CCDC3: variants seen among roughly 807,000 people sequenced by gnomAD.
CCDC3 encodes the protein coiled-coil domain-containing protein 3.
Under a neutral mutation model 21.4 loss-of-function variants are expected in CCDC3, and 24 were observed. The ratio of observed to expected loss-of-function variants is 1.12; its 90% CI spans 0.81 to 1.58. The LOEUF is 1.58. Among genes scored for constraint, CCDC3 ranks in the 40% most tolerant of loss-of-function variants. The pLI is 0.00. For missense variants in CCDC3, 425 were observed against 360.9 expected, an observed-to-expected ratio of 1.18 and a Z score of -1.44; for synonymous variants, 186 against 166.0, an observed-to-expected ratio of 1.12 and a Z score of -0.93.
intron 5 of CCDC3, among the ~76,000 whole-genome samples, chr10:13,039,252 C>T (rs1261226813): frequency 2.0e-5 from 3 of 152,060 alleles, no homozygotes; most frequent in Admixed American, 1.3e-4. Flanking sequence ...CCCGTTTCTA[C>T]TAAACCCGCA....
chr10:12,960,312 T>A (rs1835162390), intron 2 of CCDC3, among the ~76,000 whole-genome samples: 1 of 152,166 alleles, frequency 6.6e-6, no homozygotes, highest in South Asian at 2.1e-4. Context: ...GAGTCATTAT[T>A]TCATTATCTT....
At chr10:12,916,243 C>A (rs868024013) in intron 2 of CCDC3, among the ~76,000 whole-genome samples, 1 of 152,012 alleles carries the variant, frequency 6.6e-6, no homozygotes, top group East Asian at 1.9e-4. Context: ...ACCAGCCTGG[C>A]CAACATGGTG....
At chr10:13,066,920 A>G (rs927650560) in intron 4 of CCDC3, among the ~76,000 whole-genome samples, 61 of 152,094 alleles carry the variant, frequency 4.0e-4, no homozygotes, top group African/African-American at 1.4e-3. Flanking sequence ...CCACCCTTCA[A>G]TGTGTCTACA....
chr10:12,993,608 G>T (rs550489098), intron 2 of CCDC3, among the ~76,000 whole-genome samples: 5 of 152,294 alleles, frequency 3.3e-5, no homozygotes, highest in Admixed American at 6.5e-5. Context: ...TGTCCAGCAA[G>T]AGAGAAATGA....
At chr10:12,910,337 T>A (rs1834248696) in intron 2 of CCDC3, among the ~76,000 whole-genome samples, 1 of 152,198 alleles carries the variant, frequency 6.6e-6, no homozygotes, top group Non-Finnish European at 1.5e-5. Flanking sequence ...AAAAGCATGG[T>A]GTATTTGGTG....
chr10:12,975,481 C>T (rs936047144), intron 2 of CCDC3, among the ~76,000 whole-genome samples: 1 of 152,156 alleles, frequency 6.6e-6, no homozygotes, highest in Non-Finnish European at 1.5e-5. Flanking sequence ...ACTAACTCAA[C>T]TCACCCCTGG....
At chr10:13,083,802 C>G (rs1219093562) in intron 3 of CCDC3, among the ~76,000 whole-genome samples, 1 of 152,232 alleles carries the variant, frequency 6.6e-6, no homozygotes, top group Non-Finnish European at 1.5e-5. Flanking sequence ...CCAATGGAGA[C>G]AGGACAGAGT....
chr10:13,048,407 C>T (rs536298417), intron 5 of CCDC3, among the ~76,000 whole-genome samples: 4 of 152,136 alleles, frequency 2.6e-5, no homozygotes, highest in South Asian at 4.2e-4. Context: ...TTGGCCAGGA[C>T]AGTCTTGATT....
chr10:12,982,157 C>A (rs1260171925), intron 2 of CCDC3, among the ~76,000 whole-genome samples: 4 of 126,966 alleles, frequency 3.2e-5, no homozygotes, highest in Non-Finnish European at 4.9e-5. Context: ...AAAAAGTGAG[C>A]TACCACCAAT....
intron 5 of CCDC3, among the ~76,000 whole-genome samples, chr10:13,032,228 C>A (rs1289800610): frequency 2.0e-5 from 3 of 152,104 alleles, no homozygotes; most frequent in Non-Finnish European, 4.4e-5. Flanking sequence ...ATAAACAGAA[C>A]CAAAGACAAA....
intron 4 of CCDC3, among the ~76,000 whole-genome samples, chr10:13,060,208 G>A (rs987445712): frequency 3.3e-5 from 5 of 152,016 alleles, no homozygotes; most frequent in African/African-American, 9.7e-5. Flanking sequence ...TTTTTACCTC[G>A]GCCTCAGACC....
chr10:12,971,575 C>T (rs538496401), intron 2 of CCDC3, among the ~76,000 whole-genome samples: 4 of 152,282 alleles, frequency 2.6e-5, no homozygotes, highest in South Asian at 4.1e-4. Flanking sequence ...GCCTGGGTCC[C>T]GCCATGCCAC....
At chr10:12,947,396 C>T (rs1589017349) in intron 2 of CCDC3, among the ~76,000 whole-genome samples, 2 of 152,308 alleles carry the variant, frequency 1.3e-5, no homozygotes, top group East Asian at 3.9e-4. Flanking sequence ...GATCTGCCTG[C>T]CTTGGCCTCC....
chr10:12,998,164 C>G (rs1323150790), intron 2 of CCDC3, among the ~76,000 whole-genome samples, 174 bp downstream of exon 2: 1 of 152,072 alleles, frequency 6.6e-6, no homozygotes, highest in African/African-American at 2.4e-5. Context: ...TATGAATGGT[C>G]TTTTTTAACA....
intron 5 of CCDC3, among the ~76,000 whole-genome samples, chr10:13,019,284 G>A (rs529521930): frequency 5.9e-5 from 9 of 152,130 alleles, no homozygotes; most frequent in Non-Finnish European, 8.8e-5. Context: ...TATAGAAGAC[G>A]TTTGGCTATT....
Position 13,008,465 on chromosome 10 carries a change from T to C in CCDC3, c.-1-9953A>G, listed in dbSNP as rs78518262. 2.0e-4 allele frequency among the ~76,000 whole-genome samples: 31 copies of C among 152,230 alleles called. 1 individual carries two copies. In the East Asian group the frequency reaches 5.6e-3, roughly 28 times the overall value. Reference sequence around the variant, plus strand: ...GATGTGGAAGGCATGGCATGAGCTATGGGATGGGAGTAGTGATGGGAGAAT... The same window carrying C: ...GATGTGGAAGGCATGGCATGAGCTACGGGATGGGAGTAGTGATGGGAGAAT... On this transcript the variant is annotated intron_variant, in intron 5 of 6. Coordinates refer to the CCDC3 transcript ENST00000378839.
chr10:13,031,529 A>T (rs930164066), intron 5 of CCDC3, among the ~76,000 whole-genome samples: 9 of 152,234 alleles, frequency 5.9e-5, no homozygotes, highest in African/African-American at 2.2e-4. Flanking sequence ...GACACAAAAA[A>T]ACCTTCAAAA....
chr10:13,040,347 A>T (rs1836435975), intron 5 of CCDC3, among the ~76,000 whole-genome samples: 3 of 152,190 alleles, frequency 2.0e-5, no homozygotes, highest in Non-Finnish European at 4.4e-5. Flanking sequence ...GGCTGTGACA[A>T]AAGGAAGTGA....
chr10:12,909,079 T>G (rs1465839186), intron 2 of CCDC3, among the ~76,000 whole-genome samples: 1 of 152,214 alleles, frequency 6.6e-6, no homozygotes, highest in Non-Finnish European at 1.5e-5. Flanking sequence ...CATGGTCCTG[T>G]GAGTTACAGC....
Sources: gnomAD v4.1 joint callset for allele counts (sites outside exome capture counted in the v4.1 genomes callset) on GRCh38, gnomAD v4.1.1 for gene constraint, MANE v1.5 for transcripts, NCBI Gene and HGNC (gene_info 2026-07-23, HGNC 2026-07-21) for gene names.